Variants in SF3B2 observed in about 807,000 individuals in gnomAD.
SF3B2 encodes SAP 145.
A neutral mutation model predicts 116.3 loss-of-function variants in SF3B2; 22 were observed. The observed-to-expected ratio is 0.19, with a 90% confidence interval of 0.14 to 0.27. The LOEUF is 0.27. Ranked by LOEUF, SF3B2 falls within the 10% of genes least tolerant of loss-of-function variation. The pLI, the probability that SF3B2 is intolerant of heterozygous loss-of-function variation, is 1.00. For synonymous variants in SF3B2, 406 were observed against 421.6 expected (o/e 0.96, Z 0.45); for missense variants, 767 against 1,151.4 (o/e 0.67, Z 4.83).
chr11:66,056,200 G>A (rs756181797), intron 5 of SF3B2, among the ~76,000 whole-genome samples: 3 of 152,090 alleles, frequency 2.0e-5, no homozygotes, highest in Non-Finnish European at 4.4e-5. Flanking sequence ...TCAGGAGTTC[G>A]AGACCAGCCT....
intron 4 of SF3B2, 52 bp from the exon 5 acceptor site, chr11:66,055,480 GGCA>G (rs780233926): frequency 2.9e-5 from 46 of 1,607,330 alleles, no homozygotes; most frequent in Non-Finnish European, 2.6e-6. Context: ...CAAGAGTTGT[GGCA>G]GATTGGCGTG....
At chr11:66,055,409 T>C (rs923129170) in intron 4 of SF3B2, 94 bp downstream of exon 4, 4 of 1,590,680 alleles carry the variant, frequency 2.5e-6, no homozygotes, top group Non-Finnish European at 3.4e-6. Flanking sequence ...CTAAGGCTTC[T>C]GGGAAGGTCG....
chr11:66,061,644 G>A, intron 14 of SF3B2, 42 bp from the exon 15 acceptor site: 1 of 1,448,294 alleles, frequency 6.9e-7, no homozygotes, highest in Non-Finnish European at 9.7e-7. Flanking sequence ...CTCCCACTGA[G>A]TGTCTGGGTC....
intron 3 of SF3B2, among the ~76,000 whole-genome samples, chr11:66,054,683 T>G (rs1856961175): frequency 6.6e-6 from 1 of 152,168 alleles, no homozygotes. Flanking sequence ...GGTTCCTGTT[T>G]ATGTAAGTCC....
chr11:66,060,674 C>T lies in SF3B2; in HGVS notation c.1722C>T (p.Ala574=), dbSNP rs773127341. The T allele has an allele frequency of 6.2e-7, 1 of 1,614,176 alleles. No individual in the cohort carries two copies. The highest frequency in any genetic ancestry group is 1.7e-5 in the Admixed American group (1 of 60,026). The change falls in exon 14 of 22, where the codon GCC becomes GCT. Residue 574 remains alanine (A), a synonymous_variant. Transcript: ENST00000322535. The part of the protein sequence containing the change: ...IDIDYQKLHD[A]FFKWQTKPKL... ...TCGACTACCAGAAACTGCATGATGC[C>T]TTCTTCAAGTGGCAGACCAAGCCAA...
chr11:66,052,388 G>A lies in SF3B2; in HGVS notation c.4G>A (p.Ala2Thr), dbSNP rs1307462591. The change falls in exon 1 of 22, where the codon GCG becomes ACG. Residue 2 changes from alanine to threonine, a missense_variant. Ala to Thr is a moderately conservative substitution (Grantham distance 58, BLOSUM62 0). Coordinates refer to ENST00000322535, the MANE Select transcript of SF3B2 (RefSeq NM_006842.3). ...CGCGCGCCTTCCTGCGGCTAAGATGGCGACGGAGCATCCCGAGCCTCCCAA... is the reference window on the plus strand; with the variant it reads ...CGCGCGCCTTCCTGCGGCTAAGATGACGACGGAGCATCCCGAGCCTCCCAA... M[A>T]TEHPEPPKAE... is the part of the protein sequence containing the mutation. 6.8e-6 allele frequency: 11 copies of A among 1,610,264 alleles called. No individual in the cohort carries two copies. In the East Asian group the frequency reaches 2.5e-4, roughly 36 times the overall value.
chr11:66,055,921 C>T, intron 5 of SF3B2: 1 of 289,608 alleles, frequency 3.5e-6, no homozygotes, highest in Non-Finnish European at 6.4e-6. Context: ...AGCCTGCTGA[C>T]CTCTGCTCGC....
At position 66,057,045 on chromosome 11, in the gene SF3B2, G is replaced by C. The variant is rs539822763; in HGVS notation, c.667+90G>C. On this transcript the variant is annotated intron_variant, in intron 6 of 21. Transcript: ENST00000322535. ...AAGGTATCTATCACATTTAAAAAGG[G>C]CATATATAGTAAATATATAGTTTAA... 103 of 970,842 alleles carry C rather than the reference G, an allele frequency of 1.1e-4. No homozygotes were observed. In the African/African-American group the frequency reaches 1.5e-3, roughly 14 times the overall value. 60.1% of individuals were successfully genotyped at this position (970,842 alleles called of 1,614,324 possible). A position where few individuals can be genotyped will look rare whatever the true frequency, so the allele number is the denominator to read the frequency against.
In SF3B2 at chr11:66,059,672, G is replaced by A; in HGVS notation, c.1401+77G>A. 1 of 1,591,226 alleles carries A rather than the reference G, an allele frequency of 6.3e-7. No homozygotes were observed. The highest frequency in any genetic ancestry group is 8.6e-7 in the Non-Finnish European group (1 of 1,159,620). ...TGGGGAGCCAGGGAGGTGAAAAGGA[G>A]TTCTTTGAAGGAGGTGTGGGTGATT... On this transcript the variant is annotated intron_variant, in intron 12 of 21. Transcript: ENST00000322535. This position sits in a 1 kb window ranked among gnomAD's most constrained non-coding sequence, Gnocchi z 5.0.
chr11:66,059,411 C>T lies in SF3B2; in HGVS notation c.1320+73C>T, dbSNP rs894732917. 5 of 1,609,376 alleles carry T rather than the reference C, an allele frequency of 3.1e-6. No individual in the cohort carries two copies. Among genetic ancestry groups the T allele is most frequent in the Non-Finnish European group, 4.3e-6 (5 of 1,176,212 alleles). ...GGCTGAGATGCATCCAGAGAGGGAC[C>T]ATGGTGAACTCTTACAGAGCTTTGG... On this transcript the variant is annotated intron_variant, in intron 11 of 21. Transcript: ENST00000322535. The surrounding 1 kb of genome is among the most constrained non-coding windows in gnomAD (Gnocchi z 5.0).
chr11:66,057,756 A>T (rs1438175648), intron 7 of SF3B2, among the ~76,000 whole-genome samples: 1 of 151,566 alleles, frequency 6.6e-6, no homozygotes, highest in Non-Finnish European at 1.5e-5. Flanking sequence ...CGGGCGGATC[A>T]CCTGAGGTCA....
intron 7 of SF3B2, 49 bp from the exon 8 acceptor site, chr11:66,058,005 A>T: frequency 7.5e-7 from 1 of 1,338,164 alleles, no homozygotes; most frequent in Non-Finnish European, 1.0e-6. Flanking sequence ...GAAAAAAAAA[A>T]GAAAAAGGGC....
Position 66,063,623 on chromosome 11 carries a change from T to G in SF3B2, c.2229-5T>G, listed in dbSNP as rs878948442. ...TTACTCCAGAGCTTGTTCCTCTCTT[T>G]ACAGTGGCCTTATCACTCCTGGAGG... On this transcript the variant is annotated splice_polypyrimidine_tract_variant and splice_region_variant and intron_variant, in intron 18 of 21. Coordinates refer to ENST00000322535, the MANE Select transcript of SF3B2 (RefSeq NM_006842.3). 1 of 1,611,998 alleles carries G rather than the reference T, an allele frequency of 6.2e-7. No homozygotes were observed. The highest frequency in any genetic ancestry group is 8.5e-7 in the Non-Finnish European group (1 of 1,178,932).
intron 13 of SF3B2, 44 bp downstream of exon 13, chr11:66,060,053 T>G: frequency 6.4e-7 from 1 of 1,557,676 alleles, no homozygotes; most frequent in African/African-American, 1.4e-5. Context: ...GGTGTCCCCA[T>G]CCTTCATAGC....
chr11:66,061,659 A>G lies in SF3B2; in HGVS notation c.1780-27A>G, dbSNP rs781708901. 6 of 1,569,184 alleles carry G rather than the reference A, an allele frequency of 3.8e-6. 1 individual carries two copies. The highest frequency in any genetic ancestry group is 2.6e-6 in the Non-Finnish European group (3 of 1,138,988). On this transcript the variant is annotated intron_variant, in intron 14 of 21. Coordinates refer to ENST00000322535, the MANE Select transcript of SF3B2 (RefSeq NM_006842.3). ...CTCCCACTGAGTGTCTGGGTCTACA[A>G]TGTAGCATGCTCTGCTTTTCCCTCA...
rs762523914 is a variant in SF3B2, at chr11:66,068,253, G to A, written c.2536G>A (p.Glu846Lys). ...TATGGCCATGACCCAGAAGTATGAG[G>A]AGCATGTGCGGGAGCAGCAGGCTCA... ...DPMAMTQKYE[E>K]HVREQQAQVE... The change falls in exon 21 of 22, where the codon GAG becomes AAG. Residue 846 changes from glutamate to lysine, a missense_variant. Transcript: ENST00000322535. The A allele has an allele frequency of 6.2e-7, 1 of 1,613,948 alleles. No homozygotes were observed. The highest frequency in any genetic ancestry group is 8.5e-7 in the Non-Finnish European group (1 of 1,179,918).
chr11:66,053,596 C>T (rs959463012), intron 3 of SF3B2: 1 of 163,768 alleles, frequency 6.1e-6, no homozygotes, highest in Non-Finnish European at 1.3e-5. Flanking sequence ...TGCTGGAGCC[C>T]TGGGGTTGGA....
chr11:66,053,237 G>A, intron 3 of SF3B2, 133 bp downstream of exon 3: 15 of 801,332 alleles, frequency 1.9e-5, no homozygotes, highest in Admixed American at 6.3e-5. Flanking sequence ...CCTGAGTGGG[G>A]AAAAAAAAAG....
intron 16 of SF3B2, among the ~76,000 whole-genome samples, chr11:66,062,577 A>T (rs1466492329): frequency 6.6e-6 from 1 of 150,784 alleles, no homozygotes; most frequent in African/African-American, 2.4e-5. Flanking sequence ...TTCTTATTTT[A>T]AAATAAGCAT....
Sources: allele counts gnomAD v4.1 joint callset (sites outside exome capture counted in the v4.1 genomes callset), GRCh38; gene constraint gnomAD v4.1.1; non-coding constraint Gnocchi (gnomAD v3.1); transcripts MANE v1.5; gene names NCBI Gene and HGNC (gene_info 2026-07-23, HGNC 2026-07-21).